ABCC4: variants seen among roughly 807,000 people sequenced by gnomAD.
ABCC4 encodes the protein ATP binding cassette subfamily C member 4 (PEL blood group).
In ABCC4, 102 loss-of-function variants were observed where a neutral mutation model predicts 168.5. The ratio of observed to expected loss-of-function variants is 0.61; its 90% CI spans 0.52 to 0.71. ABCC4 has a LOEUF of 0.71. Among genes scored for constraint, ABCC4 ranks in the 30% least tolerant of loss-of-function variants. The probability of loss-of-function intolerance (pLI) is 0.00; values close to 1 mark genes in which losing one functional copy is unlikely to be tolerated. For missense variants in ABCC4, 1,402 were observed against 1,605.8 expected (o/e 0.87, Z 2.17); for synonymous variants, 617 against 590.7 (o/e 1.04, Z -0.65).
At position 95,021,630 on chromosome 13, in the gene ABCC4, G is replaced by A. The variant is rs759143689; in HGVS notation, c.3923C>T (p.Thr1308Ile). Residue 1308 changes from threonine (T) to isoleucine (I), a missense_variant, in exon 31 of 31, where the codon ACA becomes ATA. Around this residue, in one of 3 missense-constraint regions of ABCC4, gnomAD observed 1,007 missense variants for 1,127.3 expected, o/e 0.89. Transcript: ENST00000645237. ...CGAGGGCTGTCCATTGGAAGTGTTTGTAACCATGTGGTCAGTGTGACCAAT... is the reference window on the plus strand; with the variant it reads ...CGAGGGCTGTCCATTGGAAGTGTTTATAACCATGTGGTCAGTGTGACCAAT... Reference protein sequence around the residue: ...PHIGHTDHMVTNTSNGQPSTL... With the variant: ...PHIGHTDHMVINTSNGQPSTL... The A allele has an allele frequency of 6.2e-7, 1 of 1,613,372 alleles. No homozygotes were observed. Among genetic ancestry groups the A allele is most frequent in the South Asian group, 1.1e-5 (1 of 91,052 alleles).
chr13:95,040,598 C>T (rs144244811), intron 29 of ABCC4, among the ~76,000 whole-genome samples: 85 of 152,304 alleles, frequency 5.6e-4, no homozygotes, highest in African/African-American at 2.0e-3. Flanking sequence ...AATTAAATGT[C>T]TCAGCATATT....
intron 29 of ABCC4, among the ~76,000 whole-genome samples, chr13:95,040,356 C>A (rs1428563770): frequency 1.3e-5 from 2 of 152,150 alleles, no homozygotes; most frequent in African/African-American, 4.8e-5. Flanking sequence ...CTCAGCCTCC[C>A]GAGTAGCTGG....
chr13:95,020,554 G>A lies in ABCC4; in HGVS notation c.*1021C>T, dbSNP rs2031031333. The A allele has an allele frequency of 6.6e-6, 1 of 152,392 alleles. No individual in the cohort carries two copies. Among genetic ancestry groups the A allele is most frequent in the Non-Finnish European group, 1.5e-5 (1 of 68,030 alleles). 9.4% of individuals were successfully genotyped at this position (152,392 alleles called of 1,614,324 possible). A position where few individuals can be genotyped will look rare whatever the true frequency, so the allele number is the denominator to read the frequency against. On this transcript the variant is annotated 3_prime_UTR_variant, in exon 31 of 31. Coordinates refer to ENST00000645237, the MANE Select transcript of ABCC4 (RefSeq NM_005845.5). ...CTAACCTGGACAGGCTCATGAAAAT[G>A]AACCCCTGGATGCATCCTGAGAACG...
intron 20 of ABCC4, among the ~76,000 whole-genome samples, chr13:95,112,808 C>T (rs1238335319): frequency 6.6e-6 from 1 of 152,056 alleles, no homozygotes; most frequent in South Asian, 2.1e-4. Flanking sequence ...TTGAACCTAA[C>T]GAGAGCCATC....
At chr13:95,112,871 T>C (rs565718300) in intron 20 of ABCC4, among the ~76,000 whole-genome samples, 33 of 152,192 alleles carry the variant, frequency 2.2e-4, no homozygotes, top group African/African-American at 7.2e-4. Flanking sequence ...TAGAACCTGA[T>C]GACAGCCACA....
intron 1 of ABCC4, among the ~76,000 whole-genome samples, chr13:95,300,163 G>T (rs1230394688): frequency 6.6e-6 from 1 of 152,140 alleles, no homozygotes; most frequent in Non-Finnish European, 1.5e-5. Context: ...AGTTACTACT[G>T]TCACCCGAGT....
chr13:95,090,539 G>A (rs1332229418), intron 20 of ABCC4, among the ~76,000 whole-genome samples: 6 of 152,094 alleles, frequency 3.9e-5, no homozygotes, highest in Admixed American at 6.6e-5. Flanking sequence ...TAATCACCGC[G>A]GTTCGGCTCA....
At chr13:95,165,922 T>C (rs894140906) in intron 15 of ABCC4, among the ~76,000 whole-genome samples, 1 of 152,160 alleles carries the variant, frequency 6.6e-6, no homozygotes, top group South Asian at 2.1e-4. Context: ...TGCACCAGCA[T>C]ACACACCCGC....
chr13:95,178,104 A>G lies in ABCC4; in HGVS notation c.1546-13T>C. On this transcript the variant is annotated splice_polypyrimidine_tract_variant and intron_variant, in intron 11 of 30. Coordinates refer to ENST00000645237, the MANE Select transcript of ABCC4 (RefSeq NM_005845.5). ...ACAGCTGTAAATCCTGTATGGACAA[A>G]GGAAAGAAGGGGGGAAAAAGAGACT... 6.2e-7 allele frequency: 1 copy of G among 1,608,492 alleles called. No individual in the cohort carries two copies. The highest frequency in any genetic ancestry group is 8.5e-7 in the Non-Finnish European group (1 of 1,174,908).
At chr13:95,161,423 GA>G (rs1198364553) in intron 18 of ABCC4, 88 bp from the exon 19 acceptor site, 6 of 1,072,034 alleles carry the variant, frequency 5.6e-6, no homozygotes, top group Non-Finnish European at 7.7e-6. Flanking sequence ...AGTTTATAAA[GA>G]TGTTACTTAA....
chr13:95,087,932 G>A (rs988199074), intron 20 of ABCC4, among the ~76,000 whole-genome samples: 1 of 152,166 alleles, frequency 6.6e-6, no homozygotes, highest in Admixed American at 6.5e-5. Context: ...TGTCTTCTGT[G>A]TATGACAAGA....
At chr13:95,204,166 G>C (rs2038714881) in intron 8 of ABCC4, among the ~76,000 whole-genome samples, 1 of 152,144 alleles carries the variant, frequency 6.6e-6, no homozygotes, top group African/African-American at 2.4e-5. Context: ...ACAGAGACGA[G>C]TCATGTGCTG....
chr13:95,268,042 T>C (rs1445104995), intron 1 of ABCC4, among the ~76,000 whole-genome samples: 2 of 152,148 alleles, frequency 1.3e-5, no homozygotes, highest in Non-Finnish European at 2.9e-5. Flanking sequence ...GAAAGAGAGA[T>C]CAGACTGTTA....
In ABCC4 at chr13:95,053,054, T is replaced by C. The variant is rs763592083; in HGVS notation, c.3456+41A>G. ...GCTGTAAAGGTACATATACACATAC[T>C]GAGGCTAACAGACTAAAGATAATTA... On this transcript the variant is annotated intron_variant, in intron 27 of 30. Transcript: ENST00000645237. The C allele has an allele frequency of 1.4e-5, 21 of 1,542,400 alleles. No homozygotes were observed. In the African/African-American group the frequency reaches 1.9e-4, roughly 14 times the overall value.
intron 7 of ABCC4, among the ~76,000 whole-genome samples, chr13:95,207,160 T>C (rs906237229): frequency 1.3e-5 from 2 of 152,244 alleles, no homozygotes; most frequent in Admixed American, 6.5e-5. Flanking sequence ...CTCAAGTAGC[T>C]AGGATTACAG....
intron 19 of ABCC4, among the ~76,000 whole-genome samples, chr13:95,127,497 C>T (rs551763647): frequency 6.6e-6 from 1 of 152,196 alleles, no homozygotes; most frequent in African/African-American, 2.4e-5. Context: ...AGGCTGGTCT[C>T]GAACTCCTGG....
rs1055710855 is a variant in ABCC4, at chr13:95,019,929, G to A, written c.*1646C>T. ...ACAGAAACAGGACGTTTATATGACT[G>A]TCTTTAACCTCAAAAGTCCAAATAA... On this transcript the variant is annotated 3_prime_UTR_variant, in exon 31 of 31. Transcript: ENST00000645237. The A allele has an allele frequency of 2.6e-5, 4 of 152,180 alleles. No homozygotes were observed. Among genetic ancestry groups the A allele is most frequent in the African/African-American group, 9.7e-5 (4 of 41,440 alleles). 9.4% of individuals were successfully genotyped at this position (152,180 alleles called of 1,614,324 possible).
chr13:95,136,295 C>T (rs570637661), intron 19 of ABCC4, among the ~76,000 whole-genome samples: 2 of 152,092 alleles, frequency 1.3e-5, no homozygotes, highest in African/African-American at 4.8e-5. Context: ...GCTGGGACTA[C>T]AGGCATGCAC....
chr13:95,237,428 C>T (rs1158017211), intron 3 of ABCC4, among the ~76,000 whole-genome samples: 1 of 152,166 alleles, frequency 6.6e-6, no homozygotes, highest in Admixed American at 6.5e-5. Flanking sequence ...AATTCTCCAC[C>T]TTAGAGACCA....
Sources: gnomAD v4.1 joint callset for allele counts (sites outside exome capture counted in the v4.1 genomes callset) on GRCh38, gnomAD v4.1.1 for gene constraint, gnomAD v4.1.1 regional missense constraint, MANE v1.5 for transcripts, NCBI Gene and HGNC (gene_info 2026-07-23, HGNC 2026-07-21) for gene names.